The following OSTM1 variants were observed in gnomAD, a reference collection of about 807,000 sequenced individuals.
The protein encoded by OSTM1 is osteoclastogenesis associated transmembrane protein 1, also known as osteopetrosis-associated transmembrane protein 1.
In OSTM1, 26 loss-of-function variants were observed where a neutral mutation model predicts 35.4. That is an observed-to-expected ratio of 0.73 (90% CI 0.54 to 1.02). The LOEUF is 1.02. Ranked by LOEUF, OSTM1 falls within the 50% of genes least tolerant of loss-of-function variation. The pLI is 0.00. For missense variants in OSTM1, 366 were observed against 409.6 expected (o/e 0.89, Z 0.92); for synonymous variants, 181 against 165.0 (o/e 1.10, Z -0.75).
In OSTM1 at chr6:108,049,340, C is replaced by T. The variant is rs1485295391; in HGVS notation, c.862G>A (p.Val288Ile). 1 of 1,612,780 alleles carries T rather than the reference C, an allele frequency of 6.2e-7. No homozygotes were observed. The highest frequency in any genetic ancestry group is 8.5e-7 in the Non-Finnish European group (1 of 1,178,958). ...GGTAGAAAGAGAATGAACACAGAAACAGCAATTACAGGCACTGTGTCACTG... is the reference window on the plus strand; with the variant it reads ...GGTAGAAAGAGAATGAACACAGAAATAGCAATTACAGGCACTGTGTCACTG... ...PCSDTVPVIA[V>I]SVFILFLPVV... The change falls in exon 5 of 6, where the codon GTT becomes ATT. Residue 288 changes from valine to isoleucine, a missense_variant. Coordinates refer to ENST00000193322, the MANE Select transcript of OSTM1 (RefSeq NM_014028.4).
intron 4 of OSTM1, among the ~76,000 whole-genome samples, chr6:108,050,501 T>A (rs2114592596): frequency 6.6e-6 from 1 of 151,846 alleles, no homozygotes; most frequent in East Asian, 1.9e-4. Context: ...ATAGCTGGGA[T>A]AACAGGCGTG....
chr6:108,073,259 C>T (rs115244752), intron 1 of OSTM1, among the ~76,000 whole-genome samples: 1 of 152,204 alleles, frequency 6.6e-6, no homozygotes, highest in Non-Finnish European at 1.5e-5. Flanking sequence ...TTGCTGTCCC[C>T]GTAATACAAG....
At chr6:108,054,060 C>G (rs1772128274) in intron 3 of OSTM1, among the ~76,000 whole-genome samples, 1 of 152,208 alleles carries the variant, frequency 6.6e-6, no homozygotes, top group South Asian at 2.1e-4. Context: ...AGTTATCTTA[C>G]TAAACAGTGC....
In OSTM1 at chr6:108,074,671, A is replaced by G. The variant is rs566637798; in HGVS notation, c.-20T>C. 15 of 1,522,446 alleles carry G rather than the reference A, an allele frequency of 9.9e-6. No individual in the cohort carries two copies. In the African/African-American group the frequency reaches 2.0e-4, roughly 20 times the overall value. The allele number at this position is 1,522,446 out of a possible 1,614,324, so 94.3% of individuals were successfully genotyped here. A position where few individuals can be genotyped will look rare whatever the true frequency, so the allele number is the denominator to read the frequency against. ...CTCCATCACCGGGCTCACACACCCC[A>G]GGGAGCCCACCGCCGCCTCTCCGCC... is the stretch of plus-strand genomic sequence containing the variant. On this transcript the variant is annotated 5_prime_UTR_variant, in exon 1 of 6. Transcript: ENST00000193322.
chr6:108,070,365 C>T (rs1049357121), intron 1 of OSTM1, among the ~76,000 whole-genome samples: 1 of 152,112 alleles, frequency 6.6e-6, no homozygotes, highest in African/African-American at 2.4e-5. Flanking sequence ...CTTGGCATTC[C>T]TTTCACTCTT....
intron 2 of OSTM1, among the ~76,000 whole-genome samples, chr6:108,061,477 G>GTT (rs5878958): frequency 1.2e-4 from 17 of 142,074 alleles, no homozygotes; most frequent in African/African-American, 2.3e-4. Flanking sequence ...GATCTTTGTA[G>GTT]TTTTTTTTTT....
intron 1 of OSTM1, among the ~76,000 whole-genome samples, chr6:108,067,521 AGG>A (rs1170884621): frequency 1.2e-5 from 1 of 80,750 alleles, no homozygotes; most frequent in Non-Finnish European, 2.7e-5. Context: ...ATGGAGGGAC[AGG>A]GGAATGGAAA....
At position 108,051,099 on chromosome 6, in the gene OSTM1, G is replaced by A; in HGVS notation, c.715C>T (p.Gln239Ter). The part of the protein sequence containing the change: ...KTLSSLYSEM[Q>*]KMNELENKAE... ...TTATTCTCAAGTTCATTCATTTTTT[G>A]CATTTCACTGTACAGACTACTCAGA... Residue 239 changes from glutamine to a stop codon, truncating the protein, a stop_gained, in exon 4 of 6, where the codon CAA becomes TAA. Transcript: ENST00000193322. LOFTEE classifies it high-confidence loss of function. The A allele has an allele frequency of 6.2e-7, 1 of 1,613,394 alleles. No homozygotes were observed. Among genetic ancestry groups the A allele is most frequent in the Non-Finnish European group, 8.5e-7 (1 of 1,179,510 alleles).
In OSTM1 at chr6:108,071,538, C is replaced by G. The variant is rs1005501760; in HGVS notation, c.402+2712G>C. ...ATGTTGGCCAGGCTGGTCTCGAACTCCTGGCCTCAGGTGATCTGCCTGCCT... is the reference window on the plus strand; with the variant it reads ...ATGTTGGCCAGGCTGGTCTCGAACTGCTGGCCTCAGGTGATCTGCCTGCCT... On this transcript the variant is annotated intron_variant, in intron 1 of 5. Transcript: ENST00000193322. 8.2e-5 allele frequency among the ~76,000 whole-genome samples: 12 copies of G among 146,758 alleles called. No individual in the cohort carries two copies. In the East Asian group the frequency reaches 2.5e-3, roughly 30 times the overall value.
chr6:108,050,218 C>T (rs1341397859), intron 4 of OSTM1, among the ~76,000 whole-genome samples: 1 of 151,856 alleles, frequency 6.6e-6, no homozygotes, highest in African/African-American at 2.4e-5. Context: ...CCTCATGTGG[C>T]TTATATTTTA....
chr6:108,041,902 A>T lies in OSTM1; in HGVS notation c.*2883T>A, dbSNP rs1771874023. On this transcript the variant is annotated 3_prime_UTR_variant, in exon 6 of 6. Transcript: ENST00000193322. ...AGAAAATAGAGGTACTTGGAACATAATTTTTTAAATTTTAAATGGTTATAT... is the reference window on the plus strand; with the variant it reads ...AGAAAATAGAGGTACTTGGAACATATTTTTTTAAATTTTAAATGGTTATAT... The T allele has an allele frequency of 6.6e-6, 1 of 152,126 alleles. No homozygotes were observed. The highest frequency in any genetic ancestry group is 2.4e-5 in the African/African-American group (1 of 41,398). 9.4% of individuals were successfully genotyped at this position (152,126 alleles called of 1,614,324 possible). A position where few individuals can be genotyped will look rare whatever the true frequency, so the allele number is the denominator to read the frequency against.
rs934474235 is a variant in OSTM1 at position 108,042,934 on chromosome 6, T to C, written c.*1851A>G. Reference sequence around the variant, plus strand: ...GTACTATGCAAATCATTTTTCAATATGACAAAATGAAAAACTTACACACTT... The same window carrying C: ...GTACTATGCAAATCATTTTTCAATACGACAAAATGAAAAACTTACACACTT... On this transcript the variant is annotated 3_prime_UTR_variant, in exon 6 of 6. Coordinates refer to ENST00000193322, the MANE Select transcript of OSTM1 (RefSeq NM_014028.4). 1.3e-5 allele frequency: 2 copies of C among 152,208 alleles called. No homozygotes were observed. Among genetic ancestry groups the C allele is most frequent in the Admixed American group, 6.5e-5 (1 of 15,272 alleles). The allele number at this position is 152,208 out of a possible 1,614,324, so 9.4% of individuals were successfully genotyped here.
At chr6:108,052,107 T>A (rs905411798) in intron 3 of OSTM1, among the ~76,000 whole-genome samples, 2 of 152,146 alleles carry the variant, frequency 1.3e-5, no homozygotes, top group African/African-American at 4.8e-5. Context: ...GCCCATTGCT[T>A]GTTTTTCACA....
At chr6:108,058,215 A>G (rs1396193668) in intron 2 of OSTM1, among the ~76,000 whole-genome samples, 1 of 152,096 alleles carries the variant, frequency 6.6e-6, no homozygotes, top group Non-Finnish European at 1.5e-5. Context: ...CTACTAAATT[A>G]TCATAACAGG....
intron 1 of OSTM1, among the ~76,000 whole-genome samples, chr6:108,072,246 T>C (rs1398490467): frequency 6.6e-6 from 1 of 152,210 alleles, no homozygotes; most frequent in Admixed American, 6.5e-5. Flanking sequence ...GGGTACTTTA[T>C]TTTAAAGTGA....
chr6:108,043,421 T>C lies in OSTM1; in HGVS notation c.*1364A>G, dbSNP rs1255233957. 1 of 152,144 alleles carries C rather than the reference T, an allele frequency of 6.6e-6. No individual in the cohort carries two copies. 9.4% of individuals were successfully genotyped at this position (152,144 alleles called of 1,614,324 possible). On this transcript the variant is annotated 3_prime_UTR_variant, in exon 6 of 6. Transcript: ENST00000193322. The stretch of plus-strand genomic sequence containing the variant: ...TAAACATAAAAGAAAAAAGAAACAC[T>C]TTGTCTCCCTATAGAGCATTTTATA...
At chr6:108,069,675 G>A (rs181931595) in intron 1 of OSTM1, among the ~76,000 whole-genome samples, 1 of 152,242 alleles carries the variant, frequency 6.6e-6, no homozygotes, top group African/African-American at 2.4e-5. Flanking sequence ...AAACTAAAAG[G>A]AGAAAGTATG....
intron 1 of OSTM1, among the ~76,000 whole-genome samples, chr6:108,070,090 T>G (rs1248834451): frequency 1.3e-5 from 2 of 151,962 alleles, no homozygotes; most frequent in Non-Finnish European, 2.9e-5. Context: ...CAGGCTGGAG[T>G]GCAGTGGTGC....
rs1771878984 is a variant in OSTM1 at position 108,042,243 on chromosome 6, G to T, written c.*2542C>A. 8.0e-6 allele frequency: 1 copy of T among 125,332 alleles called. No homozygotes were observed. Among genetic ancestry groups the T allele is most frequent in the Admixed American group, 9.4e-5 (1 of 10,608 alleles). 7.8% of individuals were successfully genotyped at this position (125,332 alleles called of 1,614,324 possible). The stretch of plus-strand genomic sequence containing the variant: ...ACTCAGGAGTTCAAGACCAGCTTGG[G>T]CAACATAGTGAGACACTGTCTCTAC... On this transcript the variant is annotated 3_prime_UTR_variant, in exon 6 of 6. Transcript: ENST00000193322.
Sources: gnomAD v4.1 joint callset for allele counts (sites outside exome capture counted in the v4.1 genomes callset) on GRCh38, gnomAD v4.1.1 for gene constraint, MANE v1.5 for transcripts, NCBI Gene and HGNC (gene_info 2026-07-23, HGNC 2026-07-21) for gene names.